The following BTBD9 variants were observed in gnomAD, a reference collection of about 807,000 sequenced individuals.
BTBD9 encodes the protein BTB domain containing 9.
In BTBD9, 49 loss-of-function variants were observed where a neutral mutation model predicts 64.3. That is an observed-to-expected ratio of 0.76 (90% CI 0.61 to 0.97). The LOEUF is 0.97. Ranked by LOEUF, BTBD9 falls within the 50% of genes least tolerant of loss-of-function variation. The probability of loss-of-function intolerance (pLI) is 0.00; values close to 1 mark genes in which losing one functional copy is unlikely to be tolerated. For missense variants in BTBD9, 598 were observed against 762.1 expected (o/e 0.78, Z 2.53); for synonymous variants, 260 against 274.7 (o/e 0.95, Z 0.53).
At chr6:38,510,078 A>G (rs1772712835) in intron 6 of BTBD9, among the ~76,000 whole-genome samples, 1 of 152,230 alleles carries the variant, frequency 6.6e-6, no homozygotes, top group African/African-American at 2.4e-5. Context: ...CACATTCCCT[A>G]AACACGCCAT....
chr6:38,526,274 GC>G (rs1444490433), intron 6 of BTBD9, among the ~76,000 whole-genome samples: 1 of 152,238 alleles, frequency 6.6e-6, no homozygotes, highest in Non-Finnish European at 1.5e-5. Context: ...CCAAACACTG[GC>G]GGCTTCTAAG....
chr6:38,398,379 T>C (rs886940005), intron 6 of BTBD9, among the ~76,000 whole-genome samples: 1 of 152,162 alleles, frequency 6.6e-6, no homozygotes, highest in Non-Finnish European at 1.5e-5. Context: ...CAGATAACTG[T>C]GTGCATGGCA....
intron 7 of BTBD9, among the ~76,000 whole-genome samples, chr6:38,334,284 G>A (rs1334297581): frequency 1.3e-5 from 2 of 152,192 alleles, no homozygotes; most frequent in Non-Finnish European, 2.9e-5. Flanking sequence ...TTTAACAGCT[G>A]GGCATGGTGG....
intron 7 of BTBD9, among the ~76,000 whole-genome samples, chr6:38,323,285 G>A (rs1763304400): frequency 6.6e-6 from 1 of 152,116 alleles, no homozygotes; most frequent in Admixed American, 6.6e-5. Context: ...TTTCAATTTT[G>A]CCATTTTGCC....
intron 6 of BTBD9, among the ~76,000 whole-genome samples, chr6:38,515,272 A>T (rs896237436): frequency 6.6e-6 from 1 of 152,230 alleles, no homozygotes; most frequent in Non-Finnish European, 1.5e-5. Flanking sequence ...TAATGAGAAC[A>T]TGATTTTCTT....
chr6:38,527,410 A>G (rs1293934101), intron 6 of BTBD9, among the ~76,000 whole-genome samples: 2 of 151,760 alleles, frequency 1.3e-5, no homozygotes, highest in Non-Finnish European at 2.9e-5. Context: ...TGTAATCCCC[A>G]CATGTCAAGG....
At chr6:38,375,794 G>C (rs1465243878) in intron 6 of BTBD9, among the ~76,000 whole-genome samples, 4 of 151,722 alleles carry the variant, frequency 2.6e-5, no homozygotes. Context: ...GTAGGTTTTG[G>C]ACATCAGTTT....
At chr6:38,493,280 C>T (rs1013584704) in intron 6 of BTBD9, among the ~76,000 whole-genome samples, 2 of 152,178 alleles carry the variant, frequency 1.3e-5, no homozygotes, top group African/African-American at 4.8e-5. Context: ...CGGCCAGAAA[C>T]GTGTTACCTG....
chr6:38,277,428 T>C (rs1184182637), intron 8 of BTBD9, among the ~76,000 whole-genome samples: 1 of 151,910 alleles, frequency 6.6e-6, no homozygotes, highest in African/African-American at 2.4e-5. Flanking sequence ...CTGCCTCCTG[T>C]GCTCAAGCGA....
At chr6:38,479,936 C>G (rs931355662) in intron 6 of BTBD9, among the ~76,000 whole-genome samples, 1 of 152,050 alleles carries the variant, frequency 6.6e-6, no homozygotes, top group Non-Finnish European at 1.5e-5. Flanking sequence ...GTCATGTTGC[C>G]CAGGCTGGTC....
At chr6:38,423,003 G>A (rs1452103738) in intron 6 of BTBD9, among the ~76,000 whole-genome samples, 1 of 151,912 alleles carries the variant, frequency 6.6e-6, no homozygotes, top group Non-Finnish European at 1.5e-5. Flanking sequence ...GATGGCTGAG[G>A]CCTATAATCC....
chr6:38,549,405 TA>T (rs1456035706), intron 6 of BTBD9, among the ~76,000 whole-genome samples: 1 of 152,214 alleles, frequency 6.6e-6, no homozygotes, highest in South Asian at 2.1e-4. Flanking sequence ...GTGATGTCTC[TA>T]AACTGAGAGC....
Position 38,630,565 on chromosome 6 carries a change from A to G in BTBD9, c.-28+9235T>C, listed in dbSNP as rs183296245. Among the ~76,000 whole-genome samples, 411 of 152,320 alleles carry G rather than the reference A, an allele frequency of 2.7e-3. 1 individual carries two copies. The Middle Eastern group carries it at 0.034, about 13-fold the overall frequency. On this transcript the variant is annotated intron_variant, in intron 1 of 10. Transcript: ENST00000481247. The stretch of plus-strand genomic sequence containing the variant: ...GTGGTAAAATGTTAACATTTGGGAG[A>G]TGTGGTGAAGGTTATAAAAGAATTC...
intron 6 of BTBD9, among the ~76,000 whole-genome samples, chr6:38,377,881 A>G (rs554771131): frequency 6.6e-6 from 1 of 152,326 alleles, no homozygotes; most frequent in East Asian, 1.9e-4. Context: ...CAATGTACCA[A>G]CTTCTTCCTT....
At chr6:38,429,450 C>T (rs1308178274) in intron 6 of BTBD9, among the ~76,000 whole-genome samples, 6 of 131,264 alleles carry the variant, frequency 4.6e-5, no homozygotes, top group South Asian at 2.8e-4. Flanking sequence ...AGCAAGACTA[C>T]GTCTCAAAAA....
chr6:38,635,608 T>C (rs1479228691), intron 1 of BTBD9, among the ~76,000 whole-genome samples: 2 of 152,078 alleles, frequency 1.3e-5, no homozygotes, highest in African/African-American at 4.8e-5. Context: ...GCCAGTAGAG[T>C]GGGAATAGGT....
At chr6:38,585,706 G>A (rs1049737673) in intron 4 of BTBD9, among the ~76,000 whole-genome samples, 2 of 152,070 alleles carry the variant, frequency 1.3e-5, no homozygotes, top group African/African-American at 2.4e-5. Context: ...AGCCAGGGAT[G>A]GATTCATTCA....
In BTBD9 at chr6:38,592,738, G is replaced by T. The variant is rs1582687328; in HGVS notation, c.652C>A (p.His218Asn). 8 of 1,614,178 alleles carry T rather than the reference G, an allele frequency of 5.0e-6. No homozygotes were observed. In the East Asian group the frequency reaches 1.6e-4, roughly 31 times the overall value. ...NWCKHNSKEN[H>N]AEIMQAVRLP... ...CGCACAGCCTGCATGATTTCAGCATGATTCTCCTTTGAATTGTGCTTACAC... is the reference window on the plus strand; with the variant it reads ...CGCACAGCCTGCATGATTTCAGCATTATTCTCCTTTGAATTGTGCTTACAC... The change falls in exon 4 of 11, where the codon CAT becomes AAT. Residue 218 changes from histidine (H) to asparagine (N), a missense_variant. His to Asn is a moderately conservative substitution (Grantham distance 68, BLOSUM62 1). Coordinates refer to ENST00000481247, the MANE Select transcript of BTBD9 (RefSeq NM_001099272.2).
intron 2 of BTBD9, among the ~76,000 whole-genome samples, chr6:38,594,778 C>T (rs1368937406): frequency 2.6e-5 from 4 of 152,162 alleles, no homozygotes; most frequent in Admixed American, 6.5e-5. Flanking sequence ...GCTGCAAAAG[C>T]AATGGAAAAA....
Sources: gnomAD v4.1 joint callset for allele counts (sites outside exome capture counted in the v4.1 genomes callset) on GRCh38, gnomAD v4.1.1 for gene constraint, MANE v1.5 for transcripts, NCBI Gene and HGNC (gene_info 2026-07-23, HGNC 2026-07-21) for gene names.